The following EEF1AKMT1 variants were observed in gnomAD, a reference collection of about 807,000 sequenced individuals.
The protein encoded by EEF1AKMT1 is N-6 adenine-specific DNA methyltransferase 2 (putative).
EEF1AKMT1 carries 18 observed loss-of-function variants against 21.0 expected under a neutral mutation model. The ratio of observed to expected loss-of-function variants is 0.86; its 90% confidence interval spans 0.59 to 1.27. The LOEUF (loss-of-function observed/expected upper bound fraction) is 1.27. Among genes scored for constraint, EEF1AKMT1 ranks in the 50% most tolerant of loss-of-function variants. The probability of loss-of-function intolerance (pLI) is 0.00; values close to 1 mark genes in which losing one functional copy is unlikely to be tolerated. For synonymous variants in EEF1AKMT1, 109 were observed against 94.8 expected, an observed-to-expected ratio of 1.15 and a Z score of -0.87; for missense variants, 246 against 258.6, an observed-to-expected ratio of 0.95 and a Z score of 0.33.
intron 1 of EEF1AKMT1, among the ~76,000 whole-genome samples, chr13:20,772,137 G>T (rs1415634725): frequency 6.6e-6 from 1 of 151,962 alleles, no homozygotes; most frequent in Non-Finnish European, 1.5e-5. Context: ...CAAAAGAGCT[G>T]GGAAGTACTG....
rs184181682 is a variant in EEF1AKMT1 at position 20,743,531 on chromosome 13, C to G, written c.145-5726G>C. 7.7e-4 allele frequency among the ~76,000 whole-genome samples: 117 copies of G among 151,558 alleles called. 1 individual carries two copies. The highest frequency in any genetic ancestry group is 2.8e-3 in the African/African-American group (116 of 41,310). The stretch of plus-strand genomic sequence containing the variant: ...GGTTTCCTTGACTTCCCCTCCACCT[C>G]AAAAGTCTGGGGAGGTGTCTTGCAT... On this transcript the variant is annotated intron_variant, in intron 2 of 4. Coordinates refer to ENST00000382758, the MANE Select transcript of EEF1AKMT1 (RefSeq NM_001318939.2).
In EEF1AKMT1 at chr13:20,744,202, T is replaced by C. The variant is rs370526520; in HGVS notation, c.145-6397A>G. Among the ~76,000 whole-genome samples, 135 of 152,340 alleles carry C rather than the reference T, an allele frequency of 8.9e-4. 3 individuals are homozygous for C. In the South Asian group the frequency reaches 0.026, roughly 29 times the overall value. On this transcript the variant is annotated intron_variant, in intron 2 of 4. Coordinates refer to ENST00000382758, the MANE Select transcript of EEF1AKMT1 (RefSeq NM_001318939.2). ...GCAGAATGACATAATCCTTTGGGTA[T>C]ATGCCTAGTAATGAGTCAAATGGTA... is the stretch of plus-strand genomic sequence containing the variant.
intron 1 of EEF1AKMT1, among the ~76,000 whole-genome samples, chr13:20,760,836 G>A (rs2058997962): frequency 6.6e-6 from 1 of 152,092 alleles, no homozygotes; most frequent in Non-Finnish European, 1.5e-5. Flanking sequence ...AATTTAAATT[G>A]GCATAATCTT....
At chr13:20,745,046 A>G (rs1163613211) in intron 2 of EEF1AKMT1, among the ~76,000 whole-genome samples, 1 of 152,110 alleles carries the variant, frequency 6.6e-6, no homozygotes, top group Non-Finnish European at 1.5e-5. Context: ...TGGTCTATAT[A>G]TCTGTTTTGG....
intron 2 of EEF1AKMT1, among the ~76,000 whole-genome samples, chr13:20,748,433 CAAA>C (rs544169414): frequency 9.0e-6 from 1 of 111,002 alleles, no homozygotes. Flanking sequence ...AGACTCCGTC[CAAA>C]AAAAAAAAAA....
intron 1 of EEF1AKMT1, among the ~76,000 whole-genome samples, chr13:20,768,116 C>T (rs2059045554): frequency 6.6e-6 from 1 of 152,192 alleles, no homozygotes; most frequent in African/African-American, 2.4e-5. Context: ...TTTCAGTGGA[C>T]TGATTTTCCC....
chr13:20,756,765 C>T (rs1691672267), intron 2 of EEF1AKMT1, among the ~76,000 whole-genome samples: 2 of 152,214 alleles, frequency 1.3e-5, no homozygotes, highest in African/African-American at 4.8e-5. Context: ...ACCTATTTTA[C>T]ATATACTTAC....
chr13:20,762,344 G>A (rs1218090591), intron 1 of EEF1AKMT1, among the ~76,000 whole-genome samples: 2 of 151,700 alleles, frequency 1.3e-5, no homozygotes, highest in East Asian at 3.9e-4. Flanking sequence ...CTGCCACCAC[G>A]CCCAGCTAAA....
intron 4 of EEF1AKMT1, among the ~76,000 whole-genome samples, chr13:20,729,849 C>T (rs564030008): frequency 6.6e-6 from 1 of 152,364 alleles, no homozygotes; most frequent in African/African-American, 2.4e-5. Flanking sequence ...CCACCGCCCT[C>T]CCTGGGGTGC....
rs1171165259 is a variant in EEF1AKMT1 at position 20,765,405 on chromosome 13, G to GTTTTTTTTTTTTTTT, written c.-19-7803_-19-7789dup. On this transcript the variant is annotated intron_variant, in intron 1 of 4. Transcript: ENST00000382758. ...ATTTGCTTTCTGTTTCTTCCCTTGG[G>GTTTTTTTTTTTTTTT]TTTTTTTTTTTTTTTTTTTTTTTTT... 4.4e-4 allele frequency among the ~76,000 whole-genome samples: 26 copies of GTTTTTTTTTTTTTTT among 58,700 alleles called. 3 individuals carry two copies. Among genetic ancestry groups the GTTTTTTTTTTTTTTT allele is most frequent in the South Asian group, 8.1e-4 (1 of 1,228 alleles). 38.5% of individuals were successfully genotyped at this position (58,700 alleles called of 152,430 possible).
rs188861136 is a variant in EEF1AKMT1 at position 20,751,616 on chromosome 13, G to A, written c.144+5839C>T. 7.9e-4 allele frequency among the ~76,000 whole-genome samples: 120 copies of A among 151,762 alleles called. 1 individual carries two copies. The highest frequency in any genetic ancestry group is 2.8e-3 in the African/African-American group (118 of 41,422). On this transcript the variant is annotated intron_variant, in intron 2 of 4. Transcript: ENST00000382758. ...TGATGCCTCCACCCTTGTTCTATTC[G>A]CTCAGGATTGCTTTGGCCATTCAGG... is the stretch of plus-strand genomic sequence containing the variant.
chr13:20,730,104 T>C (rs2058783974), intron 4 of EEF1AKMT1, among the ~76,000 whole-genome samples: 1 of 152,258 alleles, frequency 6.6e-6, no homozygotes, highest in Admixed American at 6.5e-5. Flanking sequence ...GGGTCTCTGT[T>C]ACTCTTCTCA....
intron 3 of EEF1AKMT1, among the ~76,000 whole-genome samples, chr13:20,734,694 C>T (rs191022516): frequency 1.3e-5 from 2 of 152,032 alleles, no homozygotes; most frequent in South Asian, 2.1e-4. Context: ...CCCGGGTTCA[C>T]GCCATTCTCC....
At chr13:20,754,741 CAAAAA>C (rs56777421) in intron 2 of EEF1AKMT1, among the ~76,000 whole-genome samples, 26,799 of 116,632 alleles carry the variant, frequency 0.23, 3,144 homozygotes, top group East Asian at 0.7. Flanking sequence ...ACCAAAAATA[CAAAAA>C]AAAAAAAAAA....
intron 1 of EEF1AKMT1, chr13:20,769,343 T>C (rs1295045821): frequency 6.6e-6 from 1 of 152,246 alleles, no homozygotes; most frequent in Non-Finnish European, 1.5e-5. Flanking sequence ...CCTTTGCTGC[T>C]TCTGATAAGA....
At chr13:20,741,641 G>T (rs148666338) in intron 2 of EEF1AKMT1, among the ~76,000 whole-genome samples, 154 of 151,926 alleles carry the variant, frequency 1.0e-3, no homozygotes, top group African/African-American at 3.5e-3. Context: ...ATTTTTAGTA[G>T]AGATGGGGTC....
At chr13:20,741,456 CTT>C (rs562645355) in intron 2 of EEF1AKMT1, among the ~76,000 whole-genome samples, 1,285 of 112,176 alleles carry the variant, frequency 0.011, 8 homozygotes, top group Non-Finnish European at 0.018. Flanking sequence ...ATTGTAATTA[CTT>C]TTTTTTTTTT....
rs2058776702 is a variant in EEF1AKMT1 at position 20,729,153 on chromosome 13, C to G, written c.572G>C (p.Arg191Thr). Residue 191 changes from arginine (R) to threonine (T), a missense_variant, in exon 5 of 5, where the codon AGA becomes ACA. Transcript: ENST00000382758. ...LGVKMCTFVP[R>T]HTRNLANEFR... ...CTCATTTGCCAAGTTCCGGGTGTGT[C>G]TTGGAACAAACGTGCACATCTTCAC... 2 of 1,614,194 alleles carry G rather than the reference C, an allele frequency of 1.2e-6. No homozygotes were observed. Among genetic ancestry groups the G allele is most frequent in the Admixed American group, 3.3e-5 (2 of 60,022 alleles).
chr13:20,733,530 G>A (rs1211528853), intron 3 of EEF1AKMT1, among the ~76,000 whole-genome samples: 1 of 152,182 alleles, frequency 6.6e-6, no homozygotes, highest in Non-Finnish European at 1.5e-5. Flanking sequence ...CTATTACAAT[G>A]GAAAGTTCTG....
Sources: allele counts gnomAD v4.1 joint callset (sites outside exome capture counted in the v4.1 genomes callset), GRCh38; gene constraint gnomAD v4.1.1; transcripts MANE v1.5; gene names NCBI Gene and HGNC (gene_info 2026-07-23, HGNC 2026-07-21).